Variants in METTL2B observed in about 807,000 individuals in gnomAD.
The protein encoded by METTL2B is tRNA N(3)-cytidine methyltransferase METTL2B.
METTL2B carries 28 observed loss-of-function variants against 51.0 expected under a neutral mutation model. The ratio of observed to expected loss-of-function variants is 0.55; its 90% confidence interval spans 0.41 to 0.75. The LOEUF (loss-of-function observed/expected upper bound fraction) is 0.75. Ranked by LOEUF, METTL2B falls within the 30% of genes least tolerant of loss-of-function variation. METTL2B has a pLI of 0.00. For missense variants in METTL2B, 313 were observed against 460.7 expected (o/e 0.68, Z 2.93); for synonymous variants, 128 against 166.3 (o/e 0.77, Z 1.77).
intron 3 of METTL2B, among the ~76,000 whole-genome samples, chr7:128,479,734 A>G (rs1799849771): frequency 6.6e-6 from 1 of 152,238 alleles, no homozygotes; most frequent in Non-Finnish European, 1.5e-5. Context: ...TCACACGGGA[A>G]TAGCATGTCA....
chr7:128,485,873 G>A (rs1374733125), intron 4 of METTL2B, among the ~76,000 whole-genome samples: 12 of 152,086 alleles, frequency 7.9e-5, no homozygotes, highest in Admixed American at 2.6e-4. Flanking sequence ...TATATTAGGC[G>A]TTATAGATGA....
At chr7:128,491,956 T>A (rs550298332) in intron 5 of METTL2B, among the ~76,000 whole-genome samples, 1 of 152,246 alleles carries the variant, frequency 6.6e-6, no homozygotes, top group Non-Finnish European at 1.5e-5. Flanking sequence ...CCTGAAGAAT[T>A]CTATGGTTTG....
At chr7:128,480,883 G>A (rs1799864665) in intron 4 of METTL2B, among the ~76,000 whole-genome samples, 187 bp downstream of exon 4, 2 of 152,246 alleles carry the variant, frequency 1.3e-5, no homozygotes, top group South Asian at 4.1e-4. Flanking sequence ...AAAACTTGCT[G>A]CATCAAACTA....
chr7:128,480,789 G>A, intron 4 of METTL2B, 93 bp downstream of exon 4: 1 of 1,274,026 alleles, frequency 7.8e-7, no homozygotes, highest in East Asian at 2.4e-5. Context: ...CAGCACTTTG[G>A]GAGGCCAAAG....
In METTL2B at chr7:128,488,161, G is replaced by A. The variant is rs752139384; in HGVS notation, c.669G>A (p.Gln223=). The change falls in exon 5 of 9, where the codon CAG becomes CAA. Residue 223 remains glutamine, a splice_region_variant and synonymous_variant. Transcript: ENST00000262432. The part of the protein sequence containing the change: ...DFSSTAIELV[Q]TNSEYDPSRC... ...CTTCCACAGCTATAGAACTGGTCCA[G>A]GTGAGTACGATGGGAAATTACCTAT... 1 of 1,613,318 alleles carries A rather than the reference G, an allele frequency of 6.2e-7. No homozygotes were observed. Among genetic ancestry groups the A allele is most frequent in the Non-Finnish European group, 8.5e-7 (1 of 1,179,708 alleles).
intron 3 of METTL2B, among the ~76,000 whole-genome samples, chr7:128,479,942 A>G (rs893436782): frequency 1.6e-4 from 25 of 152,164 alleles, no homozygotes; most frequent in African/African-American, 6.0e-4. Context: ...GGCCTGGGAT[A>G]ATTCTCTTCC....
chr7:128,490,206 G>A (rs1211887927), intron 5 of METTL2B, among the ~76,000 whole-genome samples: 4 of 151,962 alleles, frequency 2.6e-5, no homozygotes, highest in South Asian at 2.1e-4. Context: ...TTGCCCAACC[G>A]TAAGAAGCAA....
chr7:128,492,218 G>A (rs1383651038), intron 5 of METTL2B, among the ~76,000 whole-genome samples: 4 of 151,482 alleles, frequency 2.6e-5, no homozygotes, highest in Non-Finnish European at 4.4e-5. Context: ...GTGCAGTGGC[G>A]TGATCTCGGC....
chr7:128,483,079 G>T (rs1305762559), intron 4 of METTL2B: 1 of 152,156 alleles, frequency 6.6e-6, no homozygotes, highest in African/African-American at 2.4e-5. Flanking sequence ...AAAAGAGATT[G>T]TTCTACTCTT....
intron 8 of METTL2B, 23 bp downstream of exon 8, chr7:128,500,991 C>A (rs144151414): frequency 6.2e-7 from 1 of 1,613,834 alleles, no homozygotes; most frequent in African/African-American, 1.3e-5. Context: ...CATCTTTTTA[C>A]GCTAAAAGTC....
At chr7:128,497,299 G>A (rs4377901) in intron 6 of METTL2B, among the ~76,000 whole-genome samples, 149,076 of 152,260 alleles carry the variant, frequency 0.98, 73,055 homozygotes, top group Middle Eastern at 1. Context: ...TCTTCATTTA[G>A]CAAACAGAAA....
In METTL2B at chr7:128,506,489, A is replaced by ACGTTT. The variant is rs1793121995; in HGVS notation, c.*4575_*4579dup. The ACGTTT allele has an allele frequency of 6.6e-6, 1 of 152,116 alleles. No homozygotes were observed. Among genetic ancestry groups the ACGTTT allele is most frequent in the Non-Finnish European group, 1.5e-5 (1 of 68,038 alleles). The allele number at this position is 152,116 out of a possible 1,614,324, so 9.4% of individuals were successfully genotyped here. The stretch of plus-strand genomic sequence containing the variant: ...TTGACTCTGTAAGGGACTTTGCATA[A>ACGTTT]CGTTTCATCCTCAGAATCGCTAATG... On this transcript the variant is annotated 3_prime_UTR_variant, in exon 9 of 9. Transcript: ENST00000262432.
chr7:128,502,132 T>A lies in METTL2B; in HGVS notation c.*216T>A. The A allele has an allele frequency of 1.8e-6, 1 of 560,798 alleles. No individual in the cohort carries two copies. Among genetic ancestry groups the A allele is most frequent in the Non-Finnish European group, 2.9e-6 (1 of 339,952 alleles). 34.7% of individuals were successfully genotyped at this position (560,798 alleles called of 1,614,324 possible). A position where few individuals can be genotyped will look rare whatever the true frequency, so the allele number is the denominator to read the frequency against. ...TAAAATAAAAAGAATATAAATGAGG[T>A]CTCGTTGATGCTGGACAATTCAAGA... On this transcript the variant is annotated 3_prime_UTR_variant, in exon 9 of 9. Transcript: ENST00000262432.
intron 6 of METTL2B, among the ~76,000 whole-genome samples, chr7:128,496,125 CCTTCCTCTAGAAGGCCACA>C (rs368621798): frequency 0.016 from 2,366 of 152,264 alleles, 31 homozygotes; most frequent in South Asian, 0.056. Flanking sequence ...GAGTGATTGA[CCTTCCTCTAGAAGGCCACA>C]CTTCCTCTAG....
intron 4 of METTL2B, among the ~76,000 whole-genome samples, chr7:128,482,301 A>C (rs1048059085): frequency 6.6e-6 from 1 of 151,964 alleles, no homozygotes; most frequent in Non-Finnish European, 1.5e-5. Context: ...TTAAGGGTGC[A>C]TGCCACCACA....
At chr7:128,498,011 A>C (rs369743682) in intron 6 of METTL2B, 25 bp from the exon 7 acceptor site, 2 of 1,610,632 alleles carry the variant, frequency 1.2e-6, no homozygotes, top group African/African-American at 2.7e-5. Context: ...GACCTGATTA[A>C]CTATAATTCC....
At chr7:128,489,069 C>T (rs1584793071) in intron 5 of METTL2B, among the ~76,000 whole-genome samples, 3 of 152,078 alleles carry the variant, frequency 2.0e-5, no homozygotes, top group Admixed American at 6.6e-5. Flanking sequence ...GAGCTGAGAT[C>T]GCGCCACTGC....
At chr7:128,488,308 C>T (rs1792757076) in intron 5 of METTL2B, 147 bp downstream of exon 5, 1 of 979,438 alleles carries the variant, frequency 1.0e-6, no homozygotes, top group Admixed American at 2.0e-5. Context: ...ACGAGCATAC[C>T]TTGTTTTATT....
intron 5 of METTL2B, among the ~76,000 whole-genome samples, chr7:128,493,418 G>T (rs565733433): frequency 1.3e-5 from 2 of 152,088 alleles, no homozygotes; most frequent in South Asian, 4.2e-4. Context: ...CTCCATGTTG[G>T]TCAGGCTGCT....
Sources: allele counts gnomAD v4.1 joint callset (sites outside exome capture counted in the v4.1 genomes callset), GRCh38; gene constraint gnomAD v4.1.1; transcripts MANE v1.5; gene names NCBI Gene and HGNC (gene_info 2026-07-23, HGNC 2026-07-21).